Variants in IMPDH1 observed in about 807,000 individuals in gnomAD.
The protein encoded by IMPDH1 is inosine monophosphate dehydrogenase 1, also known as inosine-5'-monophosphate dehydrogenase 1.
In IMPDH1, 41 loss-of-function variants were observed where a neutral mutation model predicts 73.5. That is an observed-to-expected ratio of 0.56 (90% CI 0.43 to 0.72). The LOEUF (loss-of-function observed/expected upper bound fraction) is 0.72. Among genes scored for constraint, IMPDH1 ranks in the 30% least tolerant of loss-of-function variants. IMPDH1 has a pLI of 0.00. For missense variants in IMPDH1, 645 were observed against 824.8 expected, an observed-to-expected ratio of 0.78 and a Z score of 2.67; for synonymous variants, 318 against 334.3, an observed-to-expected ratio of 0.95 and a Z score of 0.53.
At position 128,395,209 on chromosome 7, in the gene IMPDH1, C is replaced by A; in HGVS notation, c.1327G>T (p.Gly443Cys). Residue 443 changes from glycine to cysteine, a missense_variant, in exon 13 of 17, where the codon GGT (glycine) becomes TGT (cysteine). By Grantham distance (159) the Gly-to-Cys change is radical. Around this residue, in one of 2 missense-constraint regions of IMPDH1, gnomAD observed 459 missense variants for 638.2 expected, o/e 0.72. Coordinates refer to ENST00000338791, the MANE Select transcript of IMPDH1 (RefSeq NM_000883.4). ...YKVAEYARRFGVPIIADGGIQ... is the reference protein window; with the variant it reads ...YKVAEYARRFCVPIIADGGIQ... Reference sequence around the variant, plus strand: ...CCGCCATCGGCTATGATGGGCACACCAAAGCGCCGGGCATACTCAGCCACC... The same window carrying A: ...CCGCCATCGGCTATGATGGGCACACAAAAGCGCCGGGCATACTCAGCCACC... The A allele has an allele frequency of 1.2e-6, 2 of 1,613,966 alleles. No individual in the cohort carries two copies. Among genetic ancestry groups the A allele is most frequent in the Non-Finnish European group, 1.7e-6 (2 of 1,180,052 alleles).
Position 128,395,138 on chromosome 7 carries a change from G to A in IMPDH1, c.1398C>T (p.Ala466=). Residue 466 remains alanine (A), a synonymous_variant, in exon 13 of 17, where the codon GCC becomes GCT. Coordinates refer to ENST00000338791, the MANE Select transcript of IMPDH1 (RefSeq NM_000883.4). ...GHVVKALALG[A]STVMMGSLLA... is the part of the protein sequence containing the mutation. Reference sequence around the variant, plus strand: ...AGCACATTCTCCCCTCACCTGTGGAGGCTCCAAGGGCCAGGGCCTTGACCA... The same window carrying A: ...AGCACATTCTCCCCTCACCTGTGGAAGCTCCAAGGGCCAGGGCCTTGACCA... The A allele has an allele frequency of 6.2e-7, 1 of 1,614,046 alleles. No individual in the cohort carries two copies. Among genetic ancestry groups the A allele is most frequent in the Non-Finnish European group, 8.5e-7 (1 of 1,180,034 alleles).
rs1798053017 is a variant in IMPDH1 at position 128,398,084 on chromosome 7, G to A, written c.1074+330C>T. Among the ~76,000 whole-genome samples, 1 of 152,192 alleles carries A rather than the reference G, an allele frequency of 6.6e-6. No individual in the cohort carries two copies. The highest frequency in any genetic ancestry group is 6.5e-5 in the Admixed American group (1 of 15,284). The stretch of plus-strand genomic sequence containing the variant: ...CAGGATTTCATTCTTTCTTATGGCT[G>A]TGCCACTGGAGAATTTTAACTTGTT... On this transcript the variant is annotated intron_variant, in intron 10 of 16. Transcript: ENST00000338791. This position sits in a 1 kb window ranked among gnomAD's most constrained non-coding sequence, Gnocchi z 4.3.
At position 128,392,941 on chromosome 7, in the gene IMPDH1, G is replaced by T; in HGVS notation, c.*66C>A. 1 of 1,520,988 alleles carries T rather than the reference G, an allele frequency of 6.6e-7. No individual in the cohort carries two copies. The highest frequency in any genetic ancestry group is 1.1e-5 in the South Asian group (1 of 89,242). 94.2% of individuals were successfully genotyped at this position (1,520,988 alleles called of 1,614,324 possible). On this transcript the variant is annotated 3_prime_UTR_variant, in exon 17 of 17. Transcript: ENST00000338791. Reference sequence around the variant, plus strand: ...TCTGTGGACCACTCAGTTATGGAGGGAGGCTGTGCCCAAAAGTGGACACTG... The same window carrying T: ...TCTGTGGACCACTCAGTTATGGAGGTAGGCTGTGCCCAAAAGTGGACACTG...
chr7:128,402,986 C>A (rs4731450), intron 5 of IMPDH1, among the ~76,000 whole-genome samples: 3 of 152,110 alleles, frequency 2.0e-5, no homozygotes, highest in African/African-American at 7.2e-5. Flanking sequence ...TCCATAATTT[C>A]ACTGGCTTCT....
rs924054753 is a variant in IMPDH1, at chr7:128,409,898, C to G, written c.4G>C (p.Glu2Gln). 1.4e-6 allele frequency: 2 copies of G among 1,417,712 alleles called. No homozygotes were observed. The highest frequency in any genetic ancestry group is 1.8e-6 in the Non-Finnish European group (2 of 1,089,594). 87.8% of individuals were successfully genotyped at this position (1,417,712 alleles called of 1,614,324 possible). Residue 2 changes from glutamate to glutamine, a missense_variant, in exon 1 of 17, where the codon GAG becomes CAG. By Grantham distance (29) the Glu-to-Gln change is conservative (BLOSUM62 2). Transcript: ENST00000338791. M[E>Q]GPLTPPPLQG... ...AGCGGTGGTGGAGTGAGTGGCCCCTCCATGCGGAGGCCGCAGCTCAGGGCG... is the reference window on the plus strand; with the variant it reads ...AGCGGTGGTGGAGTGAGTGGCCCCTGCATGCGGAGGCCGCAGCTCAGGGCG...
chr7:128,395,373 A>G (rs1797844884), intron 12 of IMPDH1, 99 bp from the exon 13 acceptor site: 24 of 1,401,822 alleles, frequency 1.7e-5, no homozygotes, highest in South Asian at 3.5e-5. Flanking sequence ...CACTACCTCT[A>G]CTCAGGAAAA....
intron 10 of IMPDH1, 119 bp from the exon 11 acceptor site, chr7:128,397,141 C>G: frequency 1.5e-6 from 1 of 679,802 alleles, no homozygotes; most frequent in South Asian, 1.6e-5. Flanking sequence ...AATGCTCTTT[C>G]CTTCTGGTTG....
chr7:128,405,867 T>C lies in IMPDH1; in HGVS notation c.255-2A>G, dbSNP rs1238921380. 1.1e-5 allele frequency: 17 copies of C among 1,523,126 alleles called. No homozygotes were observed. Among genetic ancestry groups the C allele is most frequent in the Admixed American group, 4.1e-5 (2 of 49,224 alleles). 94.4% of individuals were successfully genotyped at this position (1,523,126 alleles called of 1,614,324 possible). On this transcript the variant is annotated splice_acceptor_variant, in intron 3 of 16. Transcript: ENST00000338791. LOFTEE classifies it high-confidence loss of function. ...CCGCTGATCAGGTAGTCCGCCATGC[T>C]GCCGCGAGACCCCGCGACCCGACAT...
rs762110519 is a variant in IMPDH1 at position 128,409,479 on chromosome 7, C to G, written c.152G>C (p.Arg51Thr). The G allele has an allele frequency of 1.9e-6, 3 of 1,614,202 alleles. No homozygotes were observed. The highest frequency in any genetic ancestry group is 2.5e-6 in the Non-Finnish European group (3 of 1,180,026). Residue 51 changes from arginine (R) to threonine (T), a missense_variant, in exon 2 of 17, where the codon AGA becomes ACA. Physicochemically the swap from Arg to Thr is moderately conservative, Grantham distance 71. Transcript: ENST00000338791. ...CGTCGGGTGTGTAGCGAGGTCCAAT[C>G]TAGGGCTAAGATTTTAGGGAAGGTT... Reference protein sequence around the residue: ...LQAGYEPESPRLDLATHPTTP... With the variant: ...LQAGYEPESPTLDLATHPTTP...
rs1331780639 is a variant in IMPDH1, at chr7:128,398,833, T to C, written c.875-220A>G. On this transcript the variant is annotated intron_variant, in intron 9 of 16. Coordinates refer to ENST00000338791, the MANE Select transcript of IMPDH1 (RefSeq NM_000883.4). This position sits in a 1 kb window ranked among gnomAD's most constrained non-coding sequence, Gnocchi z 4.3. ...GAAATCTTTCAGCCCAGCAGGTTCC[T>C]GGGGGTCTGTGGATGGGCATCCCCG... 6.6e-6 allele frequency among the ~76,000 whole-genome samples: 1 copy of C among 152,186 alleles called. No individual in the cohort carries two copies. Among genetic ancestry groups the C allele is most frequent in the African/African-American group, 2.4e-5 (1 of 41,450 alleles).
intron 5 of IMPDH1, among the ~76,000 whole-genome samples, chr7:128,403,058 GCCACTCCCAA>G: frequency 6.6e-6 from 1 of 152,046 alleles, no homozygotes; most frequent in Non-Finnish European, 1.5e-5. Context: ...CAATAAGGCA[GCCACTCCCAA>G]GCCCACCGTT....
Position 128,394,747 on chromosome 7 carries a change from TG to T in IMPDH1, c.1550+141del. ...AGTCAGATGGCCCAGGGACAGATCCTGGGTCTGCTACTTAAGCCCTGTGCCT... is the reference window on the plus strand; with the variant it reads ...AGTCAGATGGCCCAGGGACAGATCCTGGTCTGCTACTTAAGCCCTGTGCCT... On this transcript the variant is annotated intron_variant, in intron 14 of 16. Coordinates refer to ENST00000338791, the MANE Select transcript of IMPDH1 (RefSeq NM_000883.4). The surrounding 1 kb of genome is among the most constrained non-coding windows in gnomAD (Gnocchi z 5.5). The T allele has an allele frequency of 1.4e-6, 2 of 1,391,036 alleles. No individual in the cohort carries two copies. The highest frequency in any genetic ancestry group is 2.0e-6 in the Non-Finnish European group (2 of 995,644). The allele number at this position is 1,391,036 out of a possible 1,614,324, so 86.2% of individuals were successfully genotyped here. A position where few individuals can be genotyped will look rare whatever the true frequency, so the allele number is the denominator to read the frequency against.
At chr7:128,401,287 T>C (rs1798318581) in intron 5 of IMPDH1, among the ~76,000 whole-genome samples, 171 bp from the exon 6 acceptor site, 1 of 152,104 alleles carries the variant, frequency 6.6e-6, no homozygotes, top group Non-Finnish European at 1.5e-5. Flanking sequence ...GAAAGAAAAA[T>C]GACAGACACA....
chr7:128,409,638 G>A, intron 1 of IMPDH1, 118 bp downstream of exon 1: 7 of 1,515,660 alleles, frequency 4.6e-6, no homozygotes, highest in Admixed American at 1.8e-5. Context: ...GGCGGTAATA[G>A]GGGAAGGGTT....
At position 128,396,997 on chromosome 7, in the gene IMPDH1, T is replaced by TACACCGAATTCCCTTGGG. The variant is rs1390342348; in HGVS notation, c.1082_1099dup (p.Ser361_Val366dup). On this transcript the variant is annotated inframe_insertion, in exon 11 of 17. Coordinates refer to ENST00000338791, the MANE Select transcript of IMPDH1 (RefSeq NM_000883.4). This position sits in a 1 kb window ranked among gnomAD's most constrained non-coding sequence, Gnocchi z 4.0. Reference sequence around the variant, plus strand: ...GATGTAATGCACCATGGCGATCTGATACACCGAATTCCCTTGGGACGAGTC... The same window carrying TACACCGAATTCCCTTGGG: ...GATGTAATGCACCATGGCGATCTGATACACCGAATTCCCTTGGGACACCGAATTCCCTTGGGACGAGTC... 2 of 1,613,988 alleles carry TACACCGAATTCCCTTGGG rather than the reference T, an allele frequency of 1.2e-6. No homozygotes were observed. Among genetic ancestry groups the TACACCGAATTCCCTTGGG allele is most frequent in the Non-Finnish European group, 8.5e-7 (1 of 1,179,868 alleles).
chr7:128,404,034 A>C (rs577683484), intron 4 of IMPDH1, among the ~76,000 whole-genome samples: 10 of 152,374 alleles, frequency 6.6e-5, no homozygotes, highest in Non-Finnish European at 1.2e-4. Flanking sequence ...TTTAAGTCTC[A>C]GAGTTTGTCA....
rs552723871 is a variant in IMPDH1 at position 128,409,278 on chromosome 7, A to C, written c.254+11T>G. 1 of 1,608,052 alleles carries C rather than the reference A, an allele frequency of 6.2e-7. No homozygotes were observed. The highest frequency in any genetic ancestry group is 1.1e-5 in the South Asian group (1 of 90,876). On this transcript the variant is annotated intron_variant, in intron 3 of 16. Coordinates refer to ENST00000338791, the MANE Select transcript of IMPDH1 (RefSeq NM_000883.4). ...TCTCAGTGCATGGTGAGGAGGGGAG[A>C]GTGTCCTCACCTAGCCCTGCGAAGG...
Position 128,394,436 on chromosome 7 carries a change from C to A in IMPDH1, c.1694+20G>T, listed in dbSNP as rs767977557. The stretch of plus-strand genomic sequence containing the variant: ...AGCGAGAGAAAGGAAGCAGGAGCCA[C>A]CCCCAGTCTCAGCACTCACCGAAGG... On this transcript the variant is annotated intron_variant, in intron 15 of 16. Coordinates refer to ENST00000338791, the MANE Select transcript of IMPDH1 (RefSeq NM_000883.4). The surrounding 1 kb of genome is among the most constrained non-coding windows in gnomAD (Gnocchi z 5.5). The A allele has an allele frequency of 9.9e-6, 16 of 1,613,742 alleles. No homozygotes were observed. Among genetic ancestry groups the A allele is most frequent in the Non-Finnish European group, 8.5e-7 (1 of 1,179,870 alleles).
At chr7:128,404,198 G>C (rs1798542809) in intron 4 of IMPDH1, among the ~76,000 whole-genome samples, 1 of 152,230 alleles carries the variant, frequency 6.6e-6, no homozygotes, top group Non-Finnish European at 1.5e-5. Context: ...ACATGACCCA[G>C]CACAGGACAG....
Sources: gnomAD v4.1 joint callset for allele counts (sites outside exome capture counted in the v4.1 genomes callset) on GRCh38, gnomAD v4.1.1 for gene constraint, gnomAD v4.1.1 regional missense constraint, Gnocchi (gnomAD v3.1) non-coding constraint, MANE v1.5 for transcripts, NCBI Gene and HGNC (gene_info 2026-07-23, HGNC 2026-07-21) for gene names.